MACF1: variants seen among roughly 807,000 people sequenced by gnomAD.
MACF1 encodes microtubule-actin cross-linking factor 1.
A neutral mutation model predicts 854.8 loss-of-function variants in MACF1; 193 were observed. That is an observed-to-expected ratio of 0.23 (90% CI 0.20 to 0.25). The LOEUF is 0.25. Ranked by LOEUF, MACF1 falls within the 10% of genes least tolerant of loss-of-function variation. MACF1 has a pLI of 1.00. For synonymous variants in MACF1, 3,185 were observed against 3,226.7 expected (o/e 0.99, Z 0.44); for missense variants, 7,722 against 8,929.1 (o/e 0.86, Z 5.45).
At chr1:39,254,420 C>T in intron 5 of MACF1, 45 bp downstream of exon 5, 1 of 1,547,154 alleles carries the variant, frequency 6.5e-7, no homozygotes, top group Non-Finnish European at 8.9e-7. Flanking sequence ...GCTGTGTTGG[C>T]ATTGGGGCCC....
chr1:39,350,902 C>G lies in MACF1; in HGVS notation c.11083C>G (p.Arg3695Gly). 2 of 1,614,018 alleles carry G rather than the reference C, an allele frequency of 1.2e-6. No individual in the cohort carries two copies. The highest frequency in any genetic ancestry group is 1.7e-6 in the Non-Finnish European group (2 of 1,179,980). ...GAGCCCACGTGAGTTGACAGCTCTT[C>G]GGGAAAAGCTTCATCAGGCTAAGGA... ...KLSPRELTAL[R>G]EKLHQAKEQY... is the part of the protein sequence containing the mutation. Residue 3695 changes from arginine (R) to glycine (G), a missense_variant, in exon 43 of 101, where the codon CGG becomes GGG. By Grantham distance (125) the Arg-to-Gly change is moderately radical. This residue lies in a region of MACF1 where 2,807 missense variants were observed against 3,235.8 expected (regional missense o/e 0.87). Coordinates refer to ENST00000564288, the MANE Select transcript of MACF1 (RefSeq NM_001394062.1).
At chr1:39,085,539 T>C (rs535897427) in intron 2 of MACF1, among the ~76,000 whole-genome samples, 138 of 152,338 alleles carry the variant, frequency 9.1e-4, no homozygotes, top group Non-Finnish European at 1.6e-3. Flanking sequence ...TTAATAGCTC[T>C]TCCTCTCTTA....
intron 2 of MACF1, among the ~76,000 whole-genome samples, chr1:39,194,031 C>T (rs962869960): frequency 2.6e-5 from 4 of 152,116 alleles, no homozygotes; most frequent in African/African-American, 9.6e-5. Flanking sequence ...TGGGGTTTCA[C>T]CATATTGGTC....
intron 3 of MACF1, 170 bp downstream of exon 3, chr1:39,250,273 CA>C (rs1273394282): frequency 2.3e-6 from 1 of 426,096 alleles, no homozygotes; most frequent in African/African-American, 2.0e-5. Context: ...TTAGAATTTA[CA>C]AATTATATAA....
intron 15 of MACF1, among the ~76,000 whole-genome samples, chr1:39,291,315 G>T (rs1320836463): frequency 1.3e-5 from 2 of 152,132 alleles, no homozygotes; most frequent in Non-Finnish European, 2.9e-5. Context: ...ACTGTATTCC[G>T]CAGTTCCAAG....
intron 2 of MACF1, among the ~76,000 whole-genome samples, chr1:39,235,099 G>A (rs545656199): frequency 8.5e-5 from 13 of 152,186 alleles, no homozygotes; most frequent in South Asian, 6.3e-4. Flanking sequence ...CTTCCCAGAC[G>A]GGGTGGCGGC....
chr1:39,197,113 C>T (rs528046927), intron 2 of MACF1, among the ~76,000 whole-genome samples: 1 of 152,238 alleles, frequency 6.6e-6, no homozygotes, highest in African/African-American at 2.4e-5. Flanking sequence ...CCTCTAACCA[C>T]TTCCTGTAAA....
intron 1 of MACF1, among the ~76,000 whole-genome samples, chr1:39,208,298 G>A (rs1644476484): frequency 6.6e-6 from 1 of 151,798 alleles, no homozygotes; most frequent in South Asian, 2.1e-4. Context: ...TTGTCCTTTA[G>A]GGTAAGTAGT....
intron 97 of MACF1, 150 bp from the exon 98 acceptor site, chr1:39,479,648 G>T (rs368679481): frequency 1.2e-5 from 8 of 658,892 alleles, no homozygotes; most frequent in African/African-American, 9.1e-5. Flanking sequence ...GATGTGTCAT[G>T]AATTTATCTC....
intron 1 of MACF1, among the ~76,000 whole-genome samples, chr1:39,210,394 G>A (rs1644501143): frequency 6.6e-6 from 1 of 150,756 alleles, no homozygotes; most frequent in African/African-American, 2.4e-5. Context: ...AAAAAAAAGA[G>A]ACGAGGTTTT....
At position 39,361,615 on chromosome 1, in the gene MACF1, C is replaced by T. The variant is rs113689565; in HGVS notation, c.12709C>T (p.Arg4237Trp). The T allele has an allele frequency of 1.5e-5, 25 of 1,614,040 alleles. No individual in the cohort carries two copies. Among genetic ancestry groups the T allele is most frequent in the South Asian group, 4.4e-5 (4 of 91,080 alleles). The change falls in exon 49 of 101, where the codon CGG (arginine) becomes TGG (tryptophan). Residue 4237 changes from arginine to tryptophan, a missense_variant. Around this residue, in one of 15 missense-constraint regions of MACF1, gnomAD observed 2,807 missense variants for 3,235.8 expected, o/e 0.87. Coordinates refer to ENST00000564288, the MANE Select transcript of MACF1 (RefSeq NM_001394062.1). ...GCAGCAGTTCATGGAAAACAAAAGT[C>T]GGATGCTGGCCTCTGGAAATCAGCC... is the stretch of plus-strand genomic sequence containing the variant. ...KLQQFMENKSRMLASGNQPDQ... is the reference protein window; with the variant it reads ...KLQQFMENKSWMLASGNQPDQ...
chr1:39,265,679 C>T (rs549214104), intron 6 of MACF1, among the ~76,000 whole-genome samples: 1 of 152,270 alleles, frequency 6.6e-6, no homozygotes, highest in East Asian at 1.9e-4. Flanking sequence ...TGTGTGAGTA[C>T]TTGAAGTACA....
At chr1:39,150,019 T>C (rs1643544185) in intron 2 of MACF1, among the ~76,000 whole-genome samples, 1 of 152,162 alleles carries the variant, frequency 6.6e-6, no homozygotes, top group Non-Finnish European at 1.5e-5. Flanking sequence ...AACCTGGGAC[T>C]ATATCATGAA....
chr1:39,230,344 C>T (rs1644763982), intron 1 of MACF1, among the ~76,000 whole-genome samples: 1 of 151,990 alleles, frequency 6.6e-6, no homozygotes, highest in Non-Finnish European at 1.5e-5. Flanking sequence ...GGTAGATTTG[C>T]CATGTGGAAG....
Position 39,340,867 on chromosome 1 carries a change from G to A in MACF1, c.10495G>A (p.Gly3499Ser). The A allele has an allele frequency of 6.2e-7, 1 of 1,614,010 alleles. No homozygotes were observed. The highest frequency in any genetic ancestry group is 1.1e-5 in the South Asian group (1 of 91,024). Residue 3499 changes from glycine (G) to serine (S), a missense_variant, in exon 40 of 101, where the codon GGC becomes AGC. Physicochemically the swap from Gly to Ser is moderately conservative, Grantham distance 56 (BLOSUM62 0). This residue lies in a region of MACF1 where 854 missense variants were observed against 852.6 expected (regional missense o/e 1.00). Transcript: ENST00000564288. ...GRLQDLRAWV[G>S]NKNLILNSKG... ...ACTTCAAGATCTGAGAGCCTGGGTT[G>A]GCAATAAAAATCTTATTCTGAACAG...
chr1:39,435,815 A>T (rs1402381462), intron 70 of MACF1, 54 bp downstream of exon 70: 4 of 1,516,214 alleles, frequency 2.6e-6, no homozygotes, highest in Non-Finnish European at 3.6e-6. Context: ...TCTAAACAAG[A>T]GGTCTCTGTA....
At chr1:39,454,121 C>T (rs1320098831) in intron 88 of MACF1, among the ~76,000 whole-genome samples, 3 of 152,206 alleles carry the variant, frequency 2.0e-5, no homozygotes, top group African/African-American at 7.2e-5. Context: ...ACAGGATGTA[C>T]AGCTGACCCT....
At position 39,410,202 on chromosome 1, in the gene MACF1, C is replaced by T. The variant is rs1642923449; in HGVS notation, c.15817-12172C>T. ...AAGGATTTATAACTTATGTAGAATGCATTTGGGGGGAACCTGTGAAAAATA... is the reference window on the plus strand; with the variant it reads ...AAGGATTTATAACTTATGTAGAATGTATTTGGGGGGAACCTGTGAAAAATA... On this transcript the variant is annotated intron_variant, in intron 58 of 100. Transcript: ENST00000564288. 11 of 1,199,130 alleles carry T rather than the reference C, an allele frequency of 9.2e-6. No individual in the cohort carries two copies. In the South Asian group the frequency reaches 1.7e-4, roughly 18 times the overall value. 74.3% of individuals were successfully genotyped at this position (1,199,130 alleles called of 1,614,324 possible). A position where few individuals can be genotyped will look rare whatever the true frequency, so the allele number is the denominator to read the frequency against.
rs542392028 is a variant in MACF1 at position 39,458,458 on chromosome 1, C to T, written c.21164C>T (p.Ala7055Val). 7.4e-6 allele frequency: 12 copies of T among 1,614,002 alleles called. No homozygotes were observed. The East Asian group carries it at 1.1e-4, about 15-fold the overall frequency. The change falls in exon 90 of 101, where the codon GCG becomes GTG. Residue 7055 changes from alanine (A) to valine (V), a missense_variant. Transcript: ENST00000564288. ...AGGAAAAACATAGAGCCTACTCACG[C>T]GCCTTTCATAGAGAAATCCCGCAGC... ...YKRKNIEPTH[A>V]PFIEKSRSGG...
Sources: gnomAD v4.1 joint callset for allele counts (sites outside exome capture counted in the v4.1 genomes callset) on GRCh38, gnomAD v4.1.1 for gene constraint, gnomAD v4.1.1 regional missense constraint, MANE v1.5 for transcripts, NCBI Gene and HGNC (gene_info 2026-07-23, HGNC 2026-07-21) for gene names.